The following KIAA0586 variants were observed in gnomAD, a reference collection of about 807,000 sequenced individuals.
KIAA0586 encodes KIAA0586.
In KIAA0586, 144 loss-of-function variants were observed where a neutral mutation model predicts 169.8. The observed-to-expected ratio is 0.85, with a 90% CI of 0.74 to 0.97. KIAA0586 has a LOEUF of 0.97. KIAA0586 is among the 50% of genes least tolerant of loss of function. The probability of loss-of-function intolerance (pLI) is 0.00; values close to 1 mark genes in which losing one functional copy is unlikely to be tolerated. For missense variants in KIAA0586, 1,854 were observed against 1,823.0 expected (o/e 1.02, Z -0.31); for synonymous variants, 625 against 612.4 (o/e 1.02, Z -0.30).
chr14:58,509,471 C>A (rs1293980040), intron 28 of KIAA0586, among the ~76,000 whole-genome samples: 1 of 152,080 alleles, frequency 6.6e-6, no homozygotes, highest in Non-Finnish European at 1.5e-5. Flanking sequence ...GTTAATTACT[C>A]ACCAAGATGT....
chr14:58,534,292 C>CT (rs2046154841), intron 29 of KIAA0586, among the ~76,000 whole-genome samples: 1 of 152,152 alleles, frequency 6.6e-6, no homozygotes, highest in Non-Finnish European at 1.5e-5. Flanking sequence ...GTGACCTTCT[C>CT]TAACAGTCTG....
chr14:58,526,358 A>G (rs1211911567), intron 29 of KIAA0586, among the ~76,000 whole-genome samples: 1 of 152,164 alleles, frequency 6.6e-6, no homozygotes, highest in African/African-American at 2.4e-5. Flanking sequence ...CTTCCAGAGG[A>G]AGGAACAGGC....
intron 3 of KIAA0586, among the ~76,000 whole-genome samples, chr14:58,431,609 T>G (rs1476512433): frequency 1.3e-5 from 2 of 152,110 alleles, no homozygotes; most frequent in Non-Finnish European, 2.9e-5. Context: ...CTGTGAAAAA[T>G]GATGTTGGTA....
intron 8 of KIAA0586, among the ~76,000 whole-genome samples, chr14:58,451,112 C>T (rs972618840): frequency 2.6e-5 from 4 of 151,766 alleles, no homozygotes; most frequent in Admixed American, 1.3e-4. Flanking sequence ...CCTCAGCCTC[C>T]GGATTAGCTG....
intron 12 of KIAA0586, 140 bp downstream of exon 12, chr14:58,458,685 AT>A (rs1400989148): frequency 1.9e-6 from 1 of 538,372 alleles, no homozygotes; most frequent in Non-Finnish European, 3.3e-6. Flanking sequence ...CACTCTTTAT[AT>A]TTACTTAGTA....
At chr14:58,537,227 G>A in intron 29 of KIAA0586, 1 of 1,002,824 alleles carries the variant, frequency 1.0e-6, no homozygotes, top group Non-Finnish European at 1.2e-6. Context: ...TGTGATAGTG[G>A]CTTATTTTTT....
At chr14:58,538,046 G>C (rs2046412566) in intron 29 of KIAA0586, among the ~76,000 whole-genome samples, 1 of 152,148 alleles carries the variant, frequency 6.6e-6, no homozygotes, top group Non-Finnish European at 1.5e-5. Context: ...TACTAGGAAG[G>C]CTGAGGTGGC....
chr14:58,477,889 A>C (rs2041768021), intron 20 of KIAA0586, among the ~76,000 whole-genome samples: 2 of 135,256 alleles, frequency 1.5e-5, no homozygotes, highest in South Asian at 2.4e-4. Context: ...TCTCTTCCCC[A>C]TTTTTTCCTT....
chr14:58,557,780 A>G, the KIAA0586 span, among the ~76,000 whole-genome samples: 5 of 152,112 alleles, frequency 3.3e-5, no homozygotes, highest in African/African-American at 1.2e-4. Context: ...AGGGATATAC[A>G]AAGTGTAGAG....
chr14:58,547,952 A>G lies in KIAA0586; in HGVS notation c.*20A>G, dbSNP rs748309135. ...TTCTGAACGGGAAGAGACAGCCAGC[A>G]CAGTGTTTATGCCACTGGTTTTAAA... On this transcript the variant is annotated 3_prime_UTR_variant, in exon 31 of 31. Coordinates refer to ENST00000652326, the MANE Select transcript of KIAA0586 (RefSeq NM_001329943.3). 1.9e-6 allele frequency: 3 copies of G among 1,612,746 alleles called. No homozygotes were observed. In the East Asian group the frequency reaches 6.7e-5, roughly 36 times the overall value.
intron 7 of KIAA0586, among the ~76,000 whole-genome samples, chr14:58,450,118 C>G (rs1392179806): frequency 3.3e-5 from 5 of 152,136 alleles, no homozygotes; most frequent in African/African-American, 1.2e-4. Flanking sequence ...GTTTCGGATA[C>G]TCAGGCAGTT....
intron 29 of KIAA0586, among the ~76,000 whole-genome samples, chr14:58,526,149 T>C (rs986101207): frequency 1.3e-5 from 2 of 152,200 alleles, no homozygotes; most frequent in Non-Finnish European, 2.9e-5. Flanking sequence ...CAGACAGATG[T>C]TCCTGCCTGC....
intron 9 of KIAA0586, among the ~76,000 whole-genome samples, chr14:58,453,678 A>G (rs1476107771): frequency 6.6e-6 from 1 of 152,140 alleles, no homozygotes; most frequent in Non-Finnish European, 1.5e-5. Context: ...AATGCAGGTT[A>G]TTAATTTCTA....
At chr14:58,461,457 C>T (rs1449992272) in intron 14 of KIAA0586, among the ~76,000 whole-genome samples, 13 of 151,158 alleles carry the variant, frequency 8.6e-5, no homozygotes. Context: ...TTTTTTTAGA[C>T]AAGGTCTCAC....
chr14:58,544,322 G>C (rs1362180339), intron 30 of KIAA0586, among the ~76,000 whole-genome samples: 1 of 152,116 alleles, frequency 6.6e-6, no homozygotes, highest in Non-Finnish European at 1.5e-5. Context: ...TTGTGCCGCA[G>C]TGAACATTTG....
At chr14:58,545,981 C>CCATG (rs2046955566) in intron 30 of KIAA0586, among the ~76,000 whole-genome samples, 2 of 152,056 alleles carry the variant, frequency 1.3e-5, no homozygotes, top group South Asian at 4.1e-4. Context: ...CTGCAGTGAG[C>CCATG]CATGATCATG....
chr14:58,551,315 T>C (rs2047195819), downstream of KIAA0586: 1 of 152,244 alleles, frequency 6.6e-6, no homozygotes, highest in Non-Finnish European at 1.5e-5. Flanking sequence ...ATGTTTCTTA[T>C]TGCTTACAGA....
chr14:58,453,460 G>A lies in KIAA0586; in HGVS notation c.1240G>A (p.Glu414Lys), dbSNP rs147844088. ...LTRSKIGWTP[E>K]KTNRFPSCEE... Reference sequence around the variant, plus strand: ...TAGGTCAAAAATAGGATGGACTCCTGAGAAAACAAACAGGTAAAAACAAGA... The same window carrying A: ...TAGGTCAAAAATAGGATGGACTCCTAAGAAAACAAACAGGTAAAAACAAGA... Residue 414 changes from glutamate to lysine, a missense_variant, in exon 9 of 31, where the codon GAG (glutamate) becomes AAG (lysine). Physicochemically the swap from Glu to Lys is moderately conservative, Grantham distance 56. Coordinates refer to ENST00000652326, the MANE Select transcript of KIAA0586 (RefSeq NM_001329943.3). The A allele has an allele frequency of 1.3e-4, 192 of 1,511,314 alleles. 3 individuals are homozygous for A. The East Asian group carries it at 4.5e-3, about 36-fold the overall frequency. 93.6% of individuals were successfully genotyped at this position (1,511,314 alleles called of 1,614,324 possible). A position where few individuals can be genotyped will look rare whatever the true frequency, so the allele number is the denominator to read the frequency against.
In KIAA0586 at chr14:58,493,806, G is replaced by A. The variant is rs148896241; in HGVS notation, c.3990+1531G>A. The stretch of plus-strand genomic sequence containing the variant: ...TGCAGAAATTAAGATGATTAGTATC[G>A]AAACCATTAAGCTGAGAGAGAGAAA... On this transcript the variant is annotated intron_variant, in intron 26 of 30. Transcript: ENST00000652326. 7.9e-4 allele frequency among the ~76,000 whole-genome samples: 120 copies of A among 152,078 alleles called. 2 individuals carry two copies. Among genetic ancestry groups the A allele is most frequent in the African/African-American group, 2.7e-3 (111 of 41,476 alleles).
Sources: allele counts gnomAD v4.1 joint callset (sites outside exome capture counted in the v4.1 genomes callset), GRCh38; gene constraint gnomAD v4.1.1; transcripts MANE v1.5; gene names NCBI Gene and HGNC (gene_info 2026-07-23, HGNC 2026-07-21).